DLGAP2: variants seen among roughly 807,000 people sequenced by gnomAD.
The protein encoded by DLGAP2 is disks large-associated protein 2.
In DLGAP2, 26 loss-of-function variants were observed where a neutral mutation model predicts 100.3. That is an observed-to-expected ratio of 0.26 (90% CI 0.19 to 0.36). The LOEUF is 0.36. Among genes scored for constraint, DLGAP2 ranks in the 10% least tolerant of loss-of-function variants. DLGAP2 has a pLI of 1.00. For synonymous variants in DLGAP2, 886 were observed against 630.1 expected (o/e 1.41, Z -6.08); for missense variants, 1,858 against 1,453.2 (o/e 1.28, Z -4.53).
rs75782148 is a variant in DLGAP2, at chr8:1,703,230, A to G, written c.*1824A>G. 3.4e-3 allele frequency: 521 copies of G among 152,570 alleles called. 9 individuals are homozygous for G. Among genetic ancestry groups the G allele is most frequent in the Admixed American group, 0.017 (253 of 15,272 alleles). 9.5% of individuals were successfully genotyped at this position (152,570 alleles called of 1,614,324 possible). A position where few individuals can be genotyped will look rare whatever the true frequency, so the allele number is the denominator to read the frequency against. ...AAATTGAGCCTCATGTCTGGTATAT[A>G]TTTTACCAAACAGCCTTAAAATATA... On this transcript the variant is annotated 3_prime_UTR_variant, in exon 15 of 15. Transcript: ENST00000637795.
chr8:1,173,789 C>G (rs1189563872), intron 2 of DLGAP2, among the ~76,000 whole-genome samples: 2 of 152,194 alleles, frequency 1.3e-5, no homozygotes, highest in Non-Finnish European at 2.9e-5. Context: ...TCTGTCACCC[C>G]TTTCTTTGAC....
chr8:1,310,058 C>CAAAAA (rs3052029), intron 3 of DLGAP2, among the ~76,000 whole-genome samples: 2 of 105,706 alleles, frequency 1.9e-5, no homozygotes, highest in African/African-American at 3.1e-5. Flanking sequence ...GTCTCCATCT[C>CAAAAA]AAAAAAAAAA....
intron 1 of DLGAP2, among the ~76,000 whole-genome samples, chr8:752,064 G>C (rs1230774450): frequency 2.0e-5 from 3 of 152,326 alleles, no homozygotes; most frequent in African/African-American, 7.2e-5. Context: ...GTGTGGCCCA[G>C]GTTCTTCCCT....
chr8:1,276,213 C>A (rs1027665626), intron 3 of DLGAP2, among the ~76,000 whole-genome samples: 5 of 150,616 alleles, frequency 3.3e-5, no homozygotes, highest in Admixed American at 6.7e-5. Flanking sequence ...TCAACACTCC[C>A]CCCCCGACCC....
chr8:1,177,465 C>T (rs958257228), intron 2 of DLGAP2, among the ~76,000 whole-genome samples: 4 of 152,070 alleles, frequency 2.6e-5, no homozygotes, highest in East Asian at 1.9e-4. Context: ...AGCAGATGCA[C>T]GAGACCCGAT....
chr8:1,360,383 G>A (rs1801956607), intron 3 of DLGAP2, among the ~76,000 whole-genome samples: 1 of 152,116 alleles, frequency 6.6e-6, no homozygotes, highest in Non-Finnish European at 1.5e-5. Flanking sequence ...GCTTTGCGCT[G>A]CGTCTGTCTG....
intron 3 of DLGAP2, among the ~76,000 whole-genome samples, chr8:1,381,764 A>T (rs1449120558): frequency 6.7e-6 from 1 of 148,214 alleles, no homozygotes; most frequent in Non-Finnish European, 1.5e-5. Context: ...CTTCCTTAGT[A>T]AATCTGAGGG....
rs529017850 is a variant in DLGAP2 at position 777,392 on chromosome 8, C to T, written c.18+39567C>T. Among the ~76,000 whole-genome samples, 179 of 150,930 alleles carry T rather than the reference C, an allele frequency of 1.2e-3. 1 individual carries two copies. Among genetic ancestry groups the T allele is most frequent in the Non-Finnish European group, 1.1e-3 (72 of 67,738 alleles). On this transcript the variant is annotated intron_variant, in intron 1 of 14. Transcript: ENST00000637795. The stretch of plus-strand genomic sequence containing the variant: ...TTATGTGTGAATTTGATCCTGTCAT[C>T]ATGATGTTAGCTGTTTATTTTGCTC...
chr8:1,057,429 TTAGGGTTATG>T (rs1422771944), intron 2 of DLGAP2, among the ~76,000 whole-genome samples: 12 of 152,228 alleles, frequency 7.9e-5, no homozygotes, highest in African/African-American at 2.9e-4. Flanking sequence ...ATTATTCACA[TTAGGGTTATG>T]CACACAAGGG....
In DLGAP2 at chr8:786,807, G is replaced by GT. The variant is rs76173780; in HGVS notation, c.18+48994dup. On this transcript the variant is annotated intron_variant, in intron 1 of 14. Coordinates refer to ENST00000637795, the MANE Select transcript of DLGAP2 (RefSeq NM_001346810.2). ...GGAAGCATCATGAACCTTGTCTTCCGTTTTTTTTTTTTAACAGCGTCTCAG... is the reference window on the plus strand; with the variant it reads ...GGAAGCATCATGAACCTTGTCTTCCGTTTTTTTTTTTTTAACAGCGTCTCAG... 5.3e-3 allele frequency among the ~76,000 whole-genome samples: 768 copies of GT among 145,406 alleles called. 2 individuals carry two copies. Among genetic ancestry groups the GT allele is most frequent in the African/African-American group, 0.012 (493 of 39,986 alleles).
At chr8:1,198,708 G>T (rs1797806056) in intron 2 of DLGAP2, among the ~76,000 whole-genome samples, 1 of 152,234 alleles carries the variant, frequency 6.6e-6, no homozygotes, top group Non-Finnish European at 1.5e-5. Flanking sequence ...CTCATGTCCT[G>T]AAGAGACACG....
At chr8:795,331 C>T (rs766908710) in intron 1 of DLGAP2, among the ~76,000 whole-genome samples, 1 of 152,154 alleles carries the variant, frequency 6.6e-6, no homozygotes, top group Non-Finnish European at 1.5e-5. Flanking sequence ...AGCTGACAGC[C>T]CATGGCTCGA....
intron 3 of DLGAP2, among the ~76,000 whole-genome samples, 198 bp downstream of exon 3, chr8:1,259,081 CTG>C (rs1799289224): frequency 6.6e-6 from 1 of 152,246 alleles, no homozygotes. Flanking sequence ...CAGCTCGTCT[CTG>C]AAGAAGAATT....
intron 12 of DLGAP2, among the ~76,000 whole-genome samples, chr8:1,689,057 A>G (rs1485335390): frequency 1.3e-5 from 2 of 152,200 alleles, no homozygotes; most frequent in African/African-American, 4.8e-5. Context: ...GAATCTCACC[A>G]GTAACTGTCT....
At chr8:1,045,407 C>G (rs1802488021) in intron 2 of DLGAP2, among the ~76,000 whole-genome samples, 1 of 152,172 alleles carries the variant, frequency 6.6e-6, no homozygotes, top group South Asian at 2.1e-4. Flanking sequence ...CTATGGTATA[C>G]AACCTGTTGT....
intron 3 of DLGAP2, among the ~76,000 whole-genome samples, chr8:1,437,274 G>A (rs901537577): frequency 6.6e-6 from 1 of 152,246 alleles, no homozygotes; most frequent in South Asian, 2.1e-4. Flanking sequence ...CCGGGTCTCC[G>A]TTCAGCCCAG....
At position 1,653,528 on chromosome 8, in the gene DLGAP2, G is replaced by A. The variant is rs58323973; in HGVS notation, c.1811-14801G>A. Among the ~76,000 whole-genome samples, 299 of 152,336 alleles carry A rather than the reference G, an allele frequency of 2.0e-3. 11 individuals carry two copies. The East Asian group carries it at 0.049, about 25-fold the overall frequency. On this transcript the variant is annotated intron_variant, in intron 8 of 14. Coordinates refer to ENST00000637795, the MANE Select transcript of DLGAP2 (RefSeq NM_001346810.2). The stretch of plus-strand genomic sequence containing the variant: ...TCCACATAGGCTCTGGAGGTTCACA[G>A]AGCAACTTCAGTGCAAGGAGCCCTG...
chr8:1,432,200 A>G (rs767930724), intron 3 of DLGAP2, among the ~76,000 whole-genome samples: 2 of 152,238 alleles, frequency 1.3e-5, no homozygotes, highest in East Asian at 1.9e-4. Flanking sequence ...TTTTTGCCCC[A>G]TATTTCATTG....
chr8:1,419,987 T>C (rs1797044137), intron 3 of DLGAP2, among the ~76,000 whole-genome samples: 4 of 152,176 alleles, frequency 2.6e-5, no homozygotes, highest in Admixed American at 2.0e-4. Flanking sequence ...TGGACTACAG[T>C]TCAGCTGTAA....
Sources: gnomAD v4.1 joint callset for allele counts (sites outside exome capture counted in the v4.1 genomes callset) on GRCh38, gnomAD v4.1.1 for gene constraint, MANE v1.5 for transcripts, NCBI Gene and HGNC (gene_info 2026-07-23, HGNC 2026-07-21) for gene names.